Variants in PSTPIP2 observed in about 807,000 individuals in gnomAD.
The protein encoded by PSTPIP2 is proline-serine-threonine phosphatase interacting protein 2.
In PSTPIP2, 33 loss-of-function variants were observed where a neutral mutation model predicts 63.3. The ratio of observed to expected loss-of-function variants is 0.52; its 90% confidence interval spans 0.40 to 0.70. The LOEUF (loss-of-function observed/expected upper bound fraction) is 0.70, where lower values mean the gene tolerates loss of function less well. Ranked by LOEUF, PSTPIP2 falls within the 30% of genes least tolerant of loss-of-function variation. The pLI is 0.00. For synonymous variants in PSTPIP2, 125 were observed against 132.7 expected, an observed-to-expected ratio of 0.94 and a Z score of 0.40; for missense variants, 312 against 400.7, an observed-to-expected ratio of 0.78 and a Z score of 1.89.
intron 9 of PSTPIP2, 68 bp from the exon 10 acceptor site, chr18:45,993,771 AC>A (rs2051563471): frequency 7.4e-7 from 1 of 1,354,030 alleles, no homozygotes; most frequent in Admixed American, 1.8e-5. Context: ...GCTAGCTGTG[AC>A]TTAAGAAACA....
At chr18:46,000,778 A>C (rs74733610) in intron 6 of PSTPIP2, among the ~76,000 whole-genome samples, 5,015 of 152,320 alleles carry the variant, frequency 0.033, 277 homozygotes, top group African/African-American at 0.11. Context: ...CACAAACTAT[A>C]ATCATTAGTG....
Position 45,991,915 on chromosome 18 carries a change from G to A in PSTPIP2, c.907C>T (p.Pro303Ser), listed in dbSNP as rs2051538414. 6.2e-7 allele frequency: 1 copy of A among 1,611,132 alleles called. No homozygotes were observed. The highest frequency in any genetic ancestry group is 8.5e-7 in the Non-Finnish European group (1 of 1,177,428). The part of the protein sequence containing the change: ...NAVPAGKATG[P>S]NLARRGPLPI... ...GCTGGTTATTACCTTGCCAAGTTAG[G>A]CCCTGTAGCCTTTCCTGCTGGGACT... is the stretch of plus-strand genomic sequence containing the variant. Residue 303 changes from proline to serine, a missense_variant, in exon 12 of 15, where the codon CCT becomes TCT. Transcript: ENST00000409746.
At chr18:46,028,870 G>A in intron 2 of PSTPIP2, 11 of 1,585,958 alleles carry the variant, frequency 6.9e-6, no homozygotes, top group South Asian at 4.4e-5. Flanking sequence ...GCAAAGGACT[G>A]GGAATTTCAT....
intron 3 of PSTPIP2, among the ~76,000 whole-genome samples, chr18:46,022,842 G>T (rs1262093053): frequency 6.6e-6 from 1 of 152,222 alleles, no homozygotes; most frequent in South Asian, 2.1e-4. Context: ...ATGAAATGAT[G>T]CAAGGAAGAC....
chr18:46,040,625 A>T (rs1908157494), intron 1 of PSTPIP2, among the ~76,000 whole-genome samples: 1 of 152,188 alleles, frequency 6.6e-6, no homozygotes, highest in African/African-American at 2.4e-5. Context: ...TTCTTTCTGT[A>T]ACTGCAAACA....
At chr18:46,015,860 G>C (rs776201865) in intron 4 of PSTPIP2, 43 bp downstream of exon 4, 1 of 1,581,734 alleles carries the variant, frequency 6.3e-7, no homozygotes, top group Non-Finnish European at 8.6e-7. Flanking sequence ...CACAGGGCTT[G>C]TCAAGGGCAG....
intron 3 of PSTPIP2, among the ~76,000 whole-genome samples, chr18:46,018,755 G>A (rs2051879847): frequency 6.6e-6 from 1 of 152,288 alleles, no homozygotes; most frequent in Middle Eastern, 3.4e-3. Flanking sequence ...AAGAGATGAA[G>A]AAAAGCTTGA....
At chr18:45,987,970 A>G (rs4890608) in intron 14 of PSTPIP2, among the ~76,000 whole-genome samples, 36,635 of 152,052 alleles carry the variant, frequency 0.24, 6,321 homozygotes, top group African/African-American at 0.47. Flanking sequence ...TGTGTGTATA[A>G]TGAGTGTGAT....
At chr18:46,041,301 G>A (rs1908185551) in intron 1 of PSTPIP2, among the ~76,000 whole-genome samples, 1 of 152,182 alleles carries the variant, frequency 6.6e-6, no homozygotes, top group Non-Finnish European at 1.5e-5. Flanking sequence ...AGGCTAGAGT[G>A]CAGTGGCACG....
chr18:46,067,124 A>G (rs1174024998), intron 1 of PSTPIP2, among the ~76,000 whole-genome samples: 3 of 152,002 alleles, frequency 2.0e-5, no homozygotes, highest in Admixed American at 1.3e-4. Context: ...GTAATTGTTC[A>G]TGACTCTATC....
In PSTPIP2 at chr18:46,031,674, T is replaced by C. The variant is rs527304470; in HGVS notation, c.135-6988A>G. Among the ~76,000 whole-genome samples the C allele has an allele frequency of 1.4e-4, 22 of 152,346 alleles. No homozygotes were observed. The South Asian group carries it at 4.3e-3, about 30-fold the overall frequency. Reference sequence around the variant, plus strand: ...TTTTCATTTTTAAAAATATATAATATACAGGCATTTTATCCTTTTAGCCGC... The same window carrying C: ...TTTTCATTTTTAAAAATATATAATACACAGGCATTTTATCCTTTTAGCCGC... On this transcript the variant is annotated intron_variant, in intron 2 of 14. Transcript: ENST00000409746.
intron 12 of PSTPIP2, 46 bp downstream of exon 12, chr18:45,991,856 T>A: frequency 6.7e-7 from 1 of 1,490,172 alleles, no homozygotes; most frequent in Non-Finnish European, 9.3e-7. Flanking sequence ...GATAACAATG[T>A]TTGTTAAAAG....
chr18:46,059,200 C>A (rs1321168168), intron 1 of PSTPIP2, among the ~76,000 whole-genome samples: 3 of 151,770 alleles, frequency 2.0e-5, no homozygotes, highest in African/African-American at 4.8e-5. Flanking sequence ...CCATGCCCAG[C>A]TAATTTTCAT....
At chr18:46,005,591 A>G in intron 5 of PSTPIP2, 60 bp from the exon 6 acceptor site, 1 of 1,193,574 alleles carries the variant, frequency 8.4e-7, no homozygotes, top group Non-Finnish European at 1.2e-6. Context: ...TAAAAACAGA[A>G]ATCATTATCA....
intron 1 of PSTPIP2, among the ~76,000 whole-genome samples, chr18:46,049,061 G>A (rs1908490312): frequency 6.6e-6 from 1 of 150,996 alleles, no homozygotes; most frequent in African/African-American, 2.4e-5. Flanking sequence ...TGTGTGGAGA[G>A]AGAGAGAAGG....
chr18:46,011,296 A>G lies in PSTPIP2; in HGVS notation c.248-9T>C. ...TGCCACATTGTCTACTTCTGCAAAAAAGAATTAAAAAAAAAATCAAGGTCT... is the reference window on the plus strand; with the variant it reads ...TGCCACATTGTCTACTTCTGCAAAAGAGAATTAAAAAAAAAATCAAGGTCT... On this transcript the variant is annotated splice_polypyrimidine_tract_variant and intron_variant, in intron 4 of 14. Coordinates refer to ENST00000409746, the MANE Select transcript of PSTPIP2 (RefSeq NM_024430.4). 1 of 1,600,068 alleles carries G rather than the reference A, an allele frequency of 6.2e-7. No individual in the cohort carries two copies. The highest frequency in any genetic ancestry group is 8.6e-7 in the Non-Finnish European group (1 of 1,169,352).
chr18:46,014,887 A>T (rs2051837458), intron 4 of PSTPIP2, among the ~76,000 whole-genome samples: 2 of 152,162 alleles, frequency 1.3e-5, no homozygotes, highest in African/African-American at 4.8e-5. Context: ...GAAAATATGG[A>T]TATGTACATT....
At chr18:46,012,372 G>A (rs182913100) in intron 4 of PSTPIP2, among the ~76,000 whole-genome samples, 3 of 152,250 alleles carry the variant, frequency 2.0e-5, no homozygotes, top group East Asian at 3.9e-4. Context: ...GAATTGAAAC[G>A]AAAAGCTGTC....
chr18:46,018,806 C>T (rs767711822), intron 3 of PSTPIP2, among the ~76,000 whole-genome samples: 1 of 152,148 alleles, frequency 6.6e-6, no homozygotes, highest in South Asian at 2.1e-4. Flanking sequence ...ACCTTTGATT[C>T]GTCTTTGGCC....
Sources: allele counts gnomAD v4.1 joint callset (sites outside exome capture counted in the v4.1 genomes callset), GRCh38; gene constraint gnomAD v4.1.1; transcripts MANE v1.5; gene names NCBI Gene and HGNC (gene_info 2026-07-23, HGNC 2026-07-21).